Variants in ATP9B observed in about 807,000 individuals in gnomAD.
ATP9B encodes the protein ATPase phospholipid transporting 9B, also known as probable phospholipid-transporting ATPase IIB.
A neutral mutation model predicts 146.1 loss-of-function variants in ATP9B; 110 were observed. The observed-to-expected ratio is 0.75, with a 90% confidence interval of 0.65 to 0.88. The LOEUF is 0.88. Ranked by LOEUF, ATP9B falls within the 40% of genes least tolerant of loss-of-function variation. The probability of loss-of-function intolerance (pLI) is 0.00; values close to 1 mark genes in which losing one functional copy is unlikely to be tolerated. For synonymous variants in ATP9B, 604 were observed against 569.7 expected, an observed-to-expected ratio of 1.06 and a Z score of -0.86; for missense variants, 1,499 against 1,496.4, an observed-to-expected ratio of 1.00 and a Z score of -0.03.
chr18:79,122,271 G>A (rs944537292), intron 4 of ATP9B, among the ~76,000 whole-genome samples: 1 of 152,050 alleles, frequency 6.6e-6, no homozygotes, highest in African/African-American at 2.4e-5. Context: ...CTTTTTTTAA[G>A]AAGTTACCTC....
At chr18:79,219,373 G>T (rs1458584610) in intron 11 of ATP9B, among the ~76,000 whole-genome samples, 4 of 152,032 alleles carry the variant, frequency 2.6e-5, no homozygotes, top group African/African-American at 9.7e-5. Flanking sequence ...TGCTGTAAGG[G>T]AAGAGATTTT....
Position 79,373,962 on chromosome 18 carries a change from C to A in ATP9B, c.3135C>A (p.Ile1045=). Residue 1045 remains isoleucine (I), a synonymous_variant, in exon 28 of 30, where the codon ATC becomes ATA. Transcript: ENST00000426216. ...CTGAGTTCGTCCACGTGGTGGCCAT[C>A]TCCTTCACCGCACTGATCCTGACCG... The part of the protein sequence containing the change: ...FESEFVHVVA[I]SFTALILTEL... The A allele has an allele frequency of 6.2e-7, 1 of 1,614,028 alleles. No individual in the cohort carries two copies. Among genetic ancestry groups the A allele is most frequent in the Non-Finnish European group, 8.5e-7 (1 of 1,180,038 alleles).
chr18:79,222,784 CTATTA>C (rs755050042), intron 11 of ATP9B, among the ~76,000 whole-genome samples: 6 of 142,216 alleles, frequency 4.2e-5, no homozygotes, highest in South Asian at 2.6e-4. Flanking sequence ...TAAGGAATTA[CTATTA>C]TATTAGTATT....
Position 79,329,219 on chromosome 18 carries a change from C to G in ATP9B, c.1852C>G (p.Pro618Ala), listed in dbSNP as rs940562406. 2 of 1,612,750 alleles carry G rather than the reference C, an allele frequency of 1.2e-6. No homozygotes were observed. The highest frequency in any genetic ancestry group is 1.7e-6 in the Non-Finnish European group (2 of 1,179,836). The change falls in exon 16 of 30, where the codon CCC (proline) becomes GCC (alanine). Residue 618 changes from proline (P) to alanine (A), a missense_variant. Coordinates refer to ENST00000426216, the MANE Select transcript of ATP9B (RefSeq NM_198531.5). ...RDLTSMQLKT[P>A]SGQVLSFCIL... is the part of the protein sequence containing the mutation. ...CCTCACCTCCATGCAGCTGAAGACC[C>G]CCAGTGGCCAGGTCCTCAGCTTCTG...
intron 6 of ATP9B, among the ~76,000 whole-genome samples, chr18:79,149,324 T>A (rs1357612016): frequency 6.6e-6 from 1 of 152,034 alleles, no homozygotes; most frequent in Non-Finnish European, 1.5e-5. Context: ...AAACAAAGGT[T>A]AACAAAACAT....
intron 10 of ATP9B, among the ~76,000 whole-genome samples, chr18:79,207,470 C>T (rs1162444630): frequency 1.3e-5 from 2 of 152,010 alleles, no homozygotes; most frequent in Non-Finnish European, 2.9e-5. Context: ...GAGAGGTAGA[C>T]GATGTCAGAT....
At chr18:79,215,862 A>G (rs1600551889) in intron 11 of ATP9B, among the ~76,000 whole-genome samples, 1 of 151,914 alleles carries the variant, frequency 6.6e-6, no homozygotes, top group Non-Finnish European at 1.5e-5. Flanking sequence ...GCTAATTTTC[A>G]TATTTTTAGT....
chr18:79,349,532 T>G (rs2096910612), intron 25 of ATP9B, among the ~76,000 whole-genome samples: 2 of 152,228 alleles, frequency 1.3e-5, no homozygotes, highest in Admixed American at 1.3e-4. Flanking sequence ...CCTTTCTCCC[T>G]GCATAGCTGT....
chr18:79,326,074 T>C (rs2096743449), intron 15 of ATP9B, among the ~76,000 whole-genome samples: 1 of 76,396 alleles, frequency 1.3e-5, no homozygotes, highest in Non-Finnish European at 2.5e-5. Flanking sequence ...GGTGTTAGGG[T>C]GTCACCTCTG....
chr18:79,257,729 C>T (rs1162737907), intron 12 of ATP9B, among the ~76,000 whole-genome samples: 9 of 152,242 alleles, frequency 5.9e-5, no homozygotes, highest in African/African-American at 1.9e-4. Flanking sequence ...GCGCCTGCTC[C>T]CATCTCTGTC....
intron 29 of ATP9B, chr18:79,375,751 CT>C: frequency 1.0e-6 from 1 of 985,402 alleles, no homozygotes; most frequent in African/African-American, 1.7e-5. Context: ...CTTCCAGGGT[CT>C]TCAGAAAATG....
intron 4 of ATP9B, among the ~76,000 whole-genome samples, chr18:79,120,620 C>T (rs751856759): frequency 2.6e-5 from 4 of 152,096 alleles, no homozygotes; most frequent in Admixed American, 1.3e-4. Context: ...TTCTTTAAAG[C>T]AAAGCTTGTG....
At chr18:79,186,461 A>ATG (rs953873012) in intron 8 of ATP9B, among the ~76,000 whole-genome samples, 8 of 152,044 alleles carry the variant, frequency 5.3e-5, no homozygotes, top group African/African-American at 1.7e-4. Flanking sequence ...CTAAATGCTG[A>ATG]TGTGTGTGTA....
chr18:79,256,058 TA>T (rs1459558010), intron 12 of ATP9B, among the ~76,000 whole-genome samples: 2 of 151,964 alleles, frequency 1.3e-5, no homozygotes, highest in East Asian at 3.8e-4. Flanking sequence ...ATGTGTGCTT[TA>T]AAAATATATA....
rs117607799 is a variant in ATP9B at position 79,158,748 on chromosome 18, G to A, written c.778+4193G>A. ...AAGTTTATTCACATTTGTGAAAAAT[G>A]TCCTAACATACTGGGTATCCTTGAG... On this transcript the variant is annotated intron_variant, in intron 7 of 29. Transcript: ENST00000426216. 4.6e-3 allele frequency among the ~76,000 whole-genome samples: 703 copies of A among 152,256 alleles called. 2 individuals are homozygous for A. Among genetic ancestry groups the A allele is most frequent in the Non-Finnish European group, 7.9e-3 (535 of 68,022 alleles).
At chr18:79,204,898 G>T (rs959831721) in intron 9 of ATP9B, among the ~76,000 whole-genome samples, 1 of 152,106 alleles carries the variant, frequency 6.6e-6, no homozygotes, top group Non-Finnish European at 1.5e-5. Flanking sequence ...AAATGCCAGT[G>T]TATATTTTTG....
chr18:79,070,394 A>C (rs537809350), intron 1 of ATP9B, among the ~76,000 whole-genome samples: 207 of 152,320 alleles, frequency 1.4e-3, no homozygotes, highest in Non-Finnish European at 2.5e-3. Flanking sequence ...GTGTTTACCC[A>C]CTAGCGATTT....
chr18:79,089,442 C>T (rs954449684), intron 1 of ATP9B, among the ~76,000 whole-genome samples: 1 of 152,106 alleles, frequency 6.6e-6, no homozygotes. Flanking sequence ...CCACTGTGCA[C>T]GTGCCCAGCT....
chr18:79,094,849 A>G (rs1165134605), intron 1 of ATP9B, among the ~76,000 whole-genome samples: 1 of 152,224 alleles, frequency 6.6e-6, no homozygotes, highest in African/African-American at 2.4e-5. Context: ...AAGAATTACT[A>G]GGAATGAAAA....
Sources: allele counts gnomAD v4.1 joint callset (sites outside exome capture counted in the v4.1 genomes callset), GRCh38; gene constraint gnomAD v4.1.1; transcripts MANE v1.5; gene names NCBI Gene and HGNC (gene_info 2026-07-23, HGNC 2026-07-21).